The following FGD4 variants were observed in gnomAD, a reference collection of about 807,000 sequenced individuals.
FGD4 encodes FYVE, RhoGEF and PH domain containing 4.
FGD4 carries 42 observed loss-of-function variants against 102.0 expected under a neutral mutation model. The ratio of observed to expected loss-of-function variants is 0.41; its 90% CI spans 0.32 to 0.53. The LOEUF is 0.53. Ranked by LOEUF, FGD4 falls within the 20% of genes least tolerant of loss-of-function variation. FGD4 has a pLI of 0.21. For missense variants in FGD4, 902 were observed against 1,078.2 expected (o/e 0.84, Z 2.29); for synonymous variants, 380 against 375.7 (o/e 1.01, Z -0.13).
intron 1 of FGD4, among the ~76,000 whole-genome samples, chr12:32,407,484 G>A (rs1398378992): frequency 6.6e-6 from 1 of 152,162 alleles, no homozygotes; most frequent in Non-Finnish European, 1.5e-5. Flanking sequence ...AGGTTTATAA[G>A]CTTCTGTGCA....
chr12:32,508,673 T>A (rs1354314532), intron 1 of FGD4, among the ~76,000 whole-genome samples: 2 of 152,202 alleles, frequency 1.3e-5, no homozygotes, highest in Non-Finnish European at 2.9e-5. Flanking sequence ...GAGTTGAGCA[T>A]GAGATATAAT....
intron 1 of FGD4, among the ~76,000 whole-genome samples, chr12:32,479,039 C>A: frequency 6.6e-6 from 1 of 152,178 alleles, no homozygotes; most frequent in East Asian, 1.9e-4. Context: ...ATGCTAGATA[C>A]TTATTAATCT....
chr12:32,600,592 C>CTT (rs1181093585), intron 5 of FGD4: 86 of 200,740 alleles, frequency 4.3e-4, no homozygotes, highest in Non-Finnish European at 5.6e-4. Context: ...TTCTTTCTTT[C>CTT]TTTTTTTTTT....
At chr12:32,580,585 T>TAG (rs1234712397) in intron 3 of FGD4, among the ~76,000 whole-genome samples, 2 of 152,052 alleles carry the variant, frequency 1.3e-5, no homozygotes, top group Non-Finnish European at 2.9e-5. Flanking sequence ...CCCAGAATCC[T>TAG]AGATTAAAAT....
intron 1 of FGD4, among the ~76,000 whole-genome samples, chr12:32,541,379 T>C (rs1942814866): frequency 6.6e-6 from 1 of 152,126 alleles, no homozygotes; most frequent in African/African-American, 2.4e-5. Context: ...ATAGTAATGT[T>C]TTTTTTGAGA....
At chr12:32,442,668 C>T (rs966633975) in intron 1 of FGD4, among the ~76,000 whole-genome samples, 3 of 149,878 alleles carry the variant, frequency 2.0e-5, no homozygotes, top group African/African-American at 7.4e-5. Context: ...AAGCAATTCT[C>T]CTGTCTCAGC....
chr12:32,429,259 G>A (rs181577189), intron 1 of FGD4, among the ~76,000 whole-genome samples: 3 of 152,156 alleles, frequency 2.0e-5, no homozygotes, highest in Admixed American at 2.0e-4. Flanking sequence ...CTGTTTGTTA[G>A]TTTTCCTTCT....
chr12:32,561,070 G>GTTTTT (rs1267043755), intron 1 of FGD4, among the ~76,000 whole-genome samples: 3,933 of 90,322 alleles, frequency 0.044, 771 homozygotes, highest in South Asian at 0.089. Flanking sequence ...TCTTTGTTGG[G>GTTTTT]TTTTGTTTTT....
At chr12:32,472,397 C>T (rs1162214492) in intron 1 of FGD4, among the ~76,000 whole-genome samples, 3 of 138,454 alleles carry the variant, frequency 2.2e-5, no homozygotes, top group African/African-American at 3.0e-5. Context: ...AGCCAGCCAG[C>T]CCTGCTGGCC....
intron 1 of FGD4, among the ~76,000 whole-genome samples, chr12:32,469,527 C>T (rs566121130): frequency 2.5e-4 from 38 of 152,182 alleles, no homozygotes; most frequent in African/African-American, 8.4e-4. Flanking sequence ...GCAGTCTACC[C>T]GCCTCAGCCT....
intron 10 of FGD4, among the ~76,000 whole-genome samples, chr12:32,616,101 T>C (rs1949436266): frequency 6.6e-6 from 1 of 152,190 alleles, no homozygotes; most frequent in African/African-American, 2.4e-5. Context: ...CCAATGTCTT[T>C]CCTCTGTCTT....
chr12:32,639,364 A>G (rs1265746749), intron 16 of FGD4, among the ~76,000 whole-genome samples: 1 of 152,270 alleles, frequency 6.6e-6, no homozygotes, highest in Non-Finnish European at 1.5e-5. Flanking sequence ...GGGTTTCACC[A>G]TGTTGATCAG....
At chr12:32,557,577 C>A (rs1408313776) in intron 1 of FGD4, among the ~76,000 whole-genome samples, 1 of 152,208 alleles carries the variant, frequency 6.6e-6, no homozygotes, top group Non-Finnish European at 1.5e-5. Flanking sequence ...GAAGTGCATG[C>A]AGTTCCTAGG....
chr12:32,538,737 GT>G (rs1403472221), intron 1 of FGD4, among the ~76,000 whole-genome samples: 1 of 152,156 alleles, frequency 6.6e-6, no homozygotes, highest in African/African-American at 2.4e-5. Context: ...GGAGAAAATT[GT>G]GGCCAAGATT....
chr12:32,434,244 T>C (rs1035357409), intron 1 of FGD4, among the ~76,000 whole-genome samples: 4 of 152,206 alleles, frequency 2.6e-5, no homozygotes, highest in Non-Finnish European at 5.9e-5. Context: ...TTCCTAGCTC[T>C]TTTATGATGT....
intron 3 of FGD4, 64 bp from the exon 4 acceptor site, chr12:32,581,896 T>G: frequency 6.4e-7 from 1 of 1,573,166 alleles, no homozygotes; most frequent in African/African-American, 1.4e-5. Flanking sequence ...GGAATAAACT[T>G]GTCTTAATTC....
At chr12:32,530,812 T>G (rs1227817309) in intron 1 of FGD4, among the ~76,000 whole-genome samples, 1 of 152,136 alleles carries the variant, frequency 6.6e-6, no homozygotes, top group East Asian at 1.9e-4. Flanking sequence ...ATTTGCCAAG[T>G]TTTTTGTAAA....
intron 3 of FGD4, 37 bp downstream of exon 3, chr12:32,576,486 G>T (rs1736473893): frequency 6.2e-7 from 1 of 1,611,634 alleles, no homozygotes; most frequent in Non-Finnish European, 8.5e-7. Flanking sequence ...GGCAGGAGAA[G>T]AAGAAAGCTG....
chr12:32,607,249 G>T (rs1421458582), intron 7 of FGD4, among the ~76,000 whole-genome samples: 1 of 152,030 alleles, frequency 6.6e-6, no homozygotes, highest in Non-Finnish European at 1.5e-5. Context: ...CTCAACTTCA[G>T]TGTTATAGAA....
Sources: allele counts gnomAD v4.1 joint callset (sites outside exome capture counted in the v4.1 genomes callset), GRCh38; gene constraint gnomAD v4.1.1; transcripts MANE v1.5; gene names NCBI Gene and HGNC (gene_info 2026-07-23, HGNC 2026-07-21).